KCNK17: variants seen among roughly 807,000 people sequenced by gnomAD.
The protein encoded by KCNK17 is potassium channel subfamily K member 17.
In KCNK17, 27 loss-of-function variants were observed where a neutral mutation model predicts 24.6. The observed-to-expected ratio is 1.10, with a 90% CI of 0.81 to 1.51. KCNK17 has a LOEUF of 1.51. KCNK17 is among the 40% of genes most tolerant of loss of function. The probability of loss-of-function intolerance (pLI) is 0.00; values close to 1 mark genes in which losing one functional copy is unlikely to be tolerated. For synonymous variants in KCNK17, 181 were observed against 189.8 expected (o/e 0.95, Z 0.38); for missense variants, 450 against 436.6 (o/e 1.03, Z -0.27).
chr6:39,301,158 T>A (rs1761945515), intron 4 of KCNK17, among the ~76,000 whole-genome samples: 1 of 152,204 alleles, frequency 6.6e-6, no homozygotes, highest in African/African-American at 2.4e-5. Flanking sequence ...AGGGGACTGA[T>A]GGGAGCTGCT....
intron 1 of KCNK17, among the ~76,000 whole-genome samples, chr6:39,313,471 A>G (rs28503510): frequency 0.018 from 2,759 of 152,172 alleles, 75 homozygotes; most frequent in African/African-American, 0.058. Context: ...GGTGGCCCCG[A>G]CCAGCACGCC....
intron 4 of KCNK17, among the ~76,000 whole-genome samples, chr6:39,303,317 T>TCCA (rs1179229471): frequency 7.2e-5 from 11 of 152,138 alleles, no homozygotes; most frequent in African/African-American, 2.7e-4. Context: ...GAGGCTGAGC[T>TCCA]GGGGCGCAGC....
chr6:39,299,887 T>C, intron 4 of KCNK17, 150 bp from the exon 5 acceptor site: 1 of 781,384 alleles, frequency 1.3e-6, no homozygotes, highest in East Asian at 2.6e-5. Context: ...CATGGTCACC[T>C]CCGAAGGATT....
At chr6:39,312,687 A>G (rs9462525) in intron 1 of KCNK17, among the ~76,000 whole-genome samples, 2,753 of 152,302 alleles carry the variant, frequency 0.018, 75 homozygotes, top group African/African-American at 0.058. Context: ...TTGGCACACG[A>G]TAAGTGCTGC....
intron 4 of KCNK17, among the ~76,000 whole-genome samples, chr6:39,302,892 CAG>C (rs59453270): frequency 0.036 from 5,436 of 152,272 alleles, 129 homozygotes; most frequent in Non-Finnish European, 0.053. Flanking sequence ...ACCTTGCAAA[CAG>C]AGGCTAGAAG....
intron 4 of KCNK17, among the ~76,000 whole-genome samples, chr6:39,300,686 C>G (rs757510903): frequency 1.5e-4 from 23 of 152,202 alleles, no homozygotes; most frequent in Non-Finnish European, 2.9e-4. Context: ...GCCCTCTGCC[C>G]GCTTCTGCAG....
intron 2 of KCNK17, among the ~76,000 whole-genome samples, chr6:39,304,971 C>T (rs1762010909): frequency 6.6e-6 from 1 of 152,238 alleles, no homozygotes; most frequent in South Asian, 2.1e-4. Flanking sequence ...TCTCCTCTTC[C>T]TCTCTTCATG....
At chr6:39,313,982 A>C in intron 1 of KCNK17, 102 bp downstream of exon 1, 1 of 886,870 alleles carries the variant, frequency 1.1e-6, no homozygotes, top group Non-Finnish European at 1.6e-6. Context: ...AACAGGAAAC[A>C]CCTGACCAGG....
rs1423979801 is a variant in KCNK17, at chr6:39,299,236, G to A, written c.*191C>T. 1.4e-5 allele frequency: 8 copies of A among 576,166 alleles called. No individual in the cohort carries two copies. Among genetic ancestry groups the A allele is most frequent in the Non-Finnish European group, 2.1e-5 (7 of 327,334 alleles). 35.7% of individuals were successfully genotyped at this position (576,166 alleles called of 1,614,324 possible). On this transcript the variant is annotated 3_prime_UTR_variant, in exon 5 of 5. Coordinates refer to ENST00000373231, the MANE Select transcript of KCNK17 (RefSeq NM_031460.4). ...GTGGGGGAGAAGGGCATGCTGCCCC[G>A]ACACCCGAAAGTCACATCCCATGTC...
At chr6:39,310,039 T>C (rs1305064315) in intron 2 of KCNK17, among the ~76,000 whole-genome samples, 1 of 152,202 alleles carries the variant, frequency 6.6e-6, no homozygotes, top group Non-Finnish European at 1.5e-5. Flanking sequence ...GAGGCTGGGA[T>C]ACTGGTGTCC....
At chr6:39,304,212 A>AGCT (rs1478791815) in intron 3 of KCNK17, 81 bp from the exon 4 acceptor site, 11 of 1,342,584 alleles carry the variant, frequency 8.2e-6, no homozygotes, top group Non-Finnish European at 3.1e-6. Flanking sequence ...GGCAGGCCAG[A>AGCT]GCTGTCCCCA....
chr6:39,304,415 G>A, intron 3 of KCNK17, 80 bp downstream of exon 3: 3 of 1,302,432 alleles, frequency 2.3e-6, no homozygotes, highest in Non-Finnish European at 3.3e-6. Flanking sequence ...CCCACCTCTT[G>A]TCATTAGTAA....
intron 2 of KCNK17, among the ~76,000 whole-genome samples, chr6:39,310,025 T>C (rs186964995): frequency 6.6e-6 from 1 of 152,158 alleles, no homozygotes; most frequent in Non-Finnish European, 1.5e-5. Flanking sequence ...CCCAACCCTG[T>C]GGGGAGGCTG....
At chr6:39,310,483 C>G (rs1033488922) in intron 2 of KCNK17, among the ~76,000 whole-genome samples, 1 of 152,110 alleles carries the variant, frequency 6.6e-6, no homozygotes, top group African/African-American at 2.4e-5. Context: ...TTCTTCCTTC[C>G]TAACTTTCCC....
At position 39,313,935 on chromosome 6, in the gene KCNK17, C is replaced by A. The variant is rs896844664; in HGVS notation, c.237+149G>T. On this transcript the variant is annotated intron_variant, in intron 1 of 4. Coordinates refer to ENST00000373231, the MANE Select transcript of KCNK17 (RefSeq NM_031460.4). ...GGTCCCCGCGCAGGAACGCCCACCC[C>A]CGTTGTGCCCGCGTCTGCGTTCCCG... The A allele has an allele frequency of 1.8e-4, 109 of 602,190 alleles. 1 individual carries two copies. Among genetic ancestry groups the A allele is most frequent in the Non-Finnish European group, 3.8e-5 (14 of 366,026 alleles). 37.3% of individuals were successfully genotyped at this position (602,190 alleles called of 1,614,324 possible).
intron 1 of KCNK17, among the ~76,000 whole-genome samples, chr6:39,312,509 A>T (rs1762156813): frequency 1.3e-5 from 2 of 152,176 alleles, no homozygotes; most frequent in Non-Finnish European, 2.9e-5. Context: ...GCTCCTGGCT[A>T]TGTAGCCATG....
rs559103484 is a variant in KCNK17 at position 39,311,487 on chromosome 6, C to A, written c.238-480G>T. 2.0e-5 allele frequency among the ~76,000 whole-genome samples: 3 copies of A among 152,306 alleles called. No individual in the cohort carries two copies. In the South Asian group the frequency reaches 6.2e-4, roughly 32 times the overall value. ...TTTGGGCATTAAGGAGGAAGTGCAG[C>A]TACACAATCCTGGGCAAGGTGCTCA... On this transcript the variant is annotated intron_variant, in intron 1 of 4. Coordinates refer to ENST00000373231, the MANE Select transcript of KCNK17 (RefSeq NM_031460.4).
intron 2 of KCNK17, 33 bp downstream of exon 2, chr6:39,310,859 CA>C: frequency 5.1e-6 from 6 of 1,168,454 alleles, no homozygotes; most frequent in Non-Finnish European, 7.4e-6. Flanking sequence ...CTCCTTCCCC[CA>C]CCCCCATCCC....
At chr6:39,300,431 T>C (rs1428859536) in intron 4 of KCNK17, 2 of 1,499,210 alleles carry the variant, frequency 1.3e-6, no homozygotes, top group African/African-American at 2.8e-5. Flanking sequence ...GCCAGAAATC[T>C]GTATTTTAAC....
Sources: allele counts gnomAD v4.1 joint callset (sites outside exome capture counted in the v4.1 genomes callset), GRCh38; gene constraint gnomAD v4.1.1; transcripts MANE v1.5; gene names NCBI Gene and HGNC (gene_info 2026-07-23, HGNC 2026-07-21).